ROCK1: variants seen among roughly 807,000 people sequenced by gnomAD.
The protein encoded by ROCK1 is rho-associated protein kinase 1.
Under a neutral mutation model 196.8 loss-of-function variants are expected in ROCK1, and 36 were observed. The ratio of observed to expected loss-of-function variants is 0.18; its 90% CI spans 0.14 to 0.24. ROCK1 has a LOEUF of 0.24. ROCK1 is among the 10% of genes least tolerant of loss of function. The pLI is 1.00. For missense variants in ROCK1, 920 were observed against 1,562.0 expected, an observed-to-expected ratio of 0.59 and a Z score of 6.93; for synonymous variants, 443 against 515.9, an observed-to-expected ratio of 0.86 and a Z score of 1.91.
chr18:20,966,288 G>A (rs1356062584), intron 27 of ROCK1, among the ~76,000 whole-genome samples: 3 of 152,224 alleles, frequency 2.0e-5, no homozygotes, highest in East Asian at 1.9e-4. Flanking sequence ...CAAGAATGAG[G>A]TTGTGTTTAT....
chr18:20,961,165 T>A (rs978275933), intron 27 of ROCK1, among the ~76,000 whole-genome samples: 1 of 152,162 alleles, frequency 6.6e-6, no homozygotes, highest in Non-Finnish European at 1.5e-5. Flanking sequence ...ATTTAACTAT[T>A]TTCCGTATCT....
At chr18:21,074,440 T>C (rs1374936290) in intron 1 of ROCK1, among the ~76,000 whole-genome samples, 2 of 152,154 alleles carry the variant, frequency 1.3e-5, no homozygotes, top group East Asian at 3.9e-4. Context: ...TTGTCCAGCC[T>C]GTTTCTCTAC....
intron 1 of ROCK1, among the ~76,000 whole-genome samples, chr18:21,085,013 A>G (rs1223911354): frequency 2.0e-5 from 3 of 152,230 alleles, no homozygotes. Context: ...AAAATATTGT[A>G]TGATTCCACT....
At chr18:20,989,879 TAAAG>T (rs2035608302) in intron 18 of ROCK1, among the ~76,000 whole-genome samples, 1 of 152,086 alleles carries the variant, frequency 6.6e-6, no homozygotes, top group Non-Finnish European at 1.5e-5. Flanking sequence ...ACTGGAGTGA[TAAAG>T]AAACGGCACA....
chr18:21,051,963 AG>A (rs1224032975), intron 2 of ROCK1, among the ~76,000 whole-genome samples: 3 of 152,228 alleles, frequency 2.0e-5, no homozygotes, highest in Non-Finnish European at 2.9e-5. Context: ...AAGTCAAGAC[AG>A]GAGGTGGGGA....
At chr18:21,100,998 TA>T (rs1226934018) in intron 1 of ROCK1, among the ~76,000 whole-genome samples, 1 of 152,210 alleles carries the variant, frequency 6.6e-6, no homozygotes, top group Non-Finnish European at 1.5e-5. Flanking sequence ...GTCCTTTACT[TA>T]AACTCCCCTC....
At chr18:21,025,823 A>C (rs1347490545) in intron 10 of ROCK1, among the ~76,000 whole-genome samples, 1 of 152,220 alleles carries the variant, frequency 6.6e-6, no homozygotes, top group Non-Finnish European at 1.5e-5. Flanking sequence ...TTACTTAAAA[A>C]ATACTATATT....
At chr18:21,018,718 A>G (rs2035886521) in intron 12 of ROCK1, among the ~76,000 whole-genome samples, 2 of 152,104 alleles carry the variant, frequency 1.3e-5, no homozygotes, top group African/African-American at 4.8e-5. Context: ...TTAACCACAT[A>G]ATCTATCAGG....
At chr18:20,970,301 T>C (rs376320314) in intron 23 of ROCK1, 47 bp downstream of exon 23, 10 of 1,459,644 alleles carry the variant, frequency 6.9e-6, no homozygotes, top group South Asian at 2.3e-5. Flanking sequence ...TGTGACCTAT[T>C]GTGATTTAAA....
intron 18 of ROCK1, among the ~76,000 whole-genome samples, chr18:20,990,385 A>C (rs1172230963): frequency 6.6e-6 from 1 of 151,614 alleles, no homozygotes; most frequent in African/African-American, 2.4e-5. Context: ...TAGTAAACTG[A>C]GGGAACTAGA....
chr18:21,094,666 C>T (rs1480945602), intron 1 of ROCK1, among the ~76,000 whole-genome samples: 2 of 151,628 alleles, frequency 1.3e-5, no homozygotes, highest in African/African-American at 4.8e-5. Context: ...AGAGAATCAT[C>T]TGAGCCAGAG....
intron 2 of ROCK1, among the ~76,000 whole-genome samples, chr18:21,061,532 A>T (rs2036290840): frequency 6.6e-6 from 1 of 152,206 alleles, no homozygotes; most frequent in African/African-American, 2.4e-5. Flanking sequence ...ACTGTTCCGA[A>T]TGGTATTGGG....
At chr18:21,028,188 C>A (rs894297031) in intron 10 of ROCK1, among the ~76,000 whole-genome samples, 3 of 151,240 alleles carry the variant, frequency 2.0e-5, no homozygotes, top group African/African-American at 7.3e-5. Context: ...GAGGCCGAGG[C>A]AGGCAGATCA....
intron 13 of ROCK1, among the ~76,000 whole-genome samples, chr18:21,011,644 C>T (rs1353063956): frequency 1.3e-5 from 2 of 152,036 alleles, no homozygotes; most frequent in Non-Finnish European, 2.9e-5. Flanking sequence ...TTTGTAGAGA[C>T]AGGGTTTCAC....
intron 2 of ROCK1, among the ~76,000 whole-genome samples, chr18:21,057,661 A>T (rs2036255177): frequency 6.6e-6 from 1 of 152,100 alleles, no homozygotes; most frequent in African/African-American, 2.4e-5. Flanking sequence ...GTCTCTACTA[A>T]AAACACAAAA....
In ROCK1 at chr18:20,951,395, G is replaced by A. The variant is rs370185241; in HGVS notation, c.4062-8C>T. On this transcript the variant is annotated splice_polypyrimidine_tract_variant and splice_region_variant and intron_variant, in intron 32 of 32. Coordinates refer to ENST00000399799, the MANE Select transcript of ROCK1 (RefSeq NM_005406.3). ...ACTCAGTCACATGGTTAACTGTTGA[G>A]GGAGGGGGAAAAAACTAATTTAAGA... 5.7e-6 allele frequency: 9 copies of A among 1,591,492 alleles called. No homozygotes were observed. Among genetic ancestry groups the A allele is most frequent in the East Asian group, 2.2e-5 (1 of 44,512 alleles).
intron 1 of ROCK1, among the ~76,000 whole-genome samples, chr18:21,074,287 A>G (rs911562768): frequency 6.6e-6 from 1 of 152,250 alleles, no homozygotes; most frequent in African/African-American, 2.4e-5. Context: ...AAATACAGTT[A>G]AAATCTGTTT....
At chr18:21,099,105 G>A (rs1236373309) in intron 1 of ROCK1, among the ~76,000 whole-genome samples, 1 of 151,932 alleles carries the variant, frequency 6.6e-6, no homozygotes, top group African/African-American at 2.4e-5. Context: ...AAGACACACT[G>A]GTAAAAATAT....
In ROCK1 at chr18:20,966,924, G is replaced by A; in HGVS notation, c.3345C>T (p.Asn1115=). The change falls in exon 27 of 33, where the codon AAC becomes AAT. Residue 1115 remains asparagine (N), a synonymous_variant. Coordinates refer to ENST00000399799, the MANE Select transcript of ROCK1 (RefSeq NM_005406.3). ...ATACAGAATTATTCTTACCTGGGAG[G>A]TTACCATCAGTTTCATCAGCACTAG... ...SFPSADETDG[N]LPESRIEGWL... 1.2e-6 allele frequency: 2 copies of A among 1,610,214 alleles called. No individual in the cohort carries two copies. Among genetic ancestry groups the A allele is most frequent in the Non-Finnish European group, 1.7e-6 (2 of 1,177,468 alleles).
Sources: allele counts gnomAD v4.1 joint callset (sites outside exome capture counted in the v4.1 genomes callset), GRCh38; gene constraint gnomAD v4.1.1; transcripts MANE v1.5; gene names NCBI Gene and HGNC (gene_info 2026-07-23, HGNC 2026-07-21).